The following PXDNL variants were observed in gnomAD, a reference collection of about 807,000 sequenced individuals.
PXDNL encodes the protein probable oxidoreductase PXDNL.
A neutral mutation model predicts 150.8 loss-of-function variants in PXDNL; 145 were observed. The observed-to-expected ratio is 0.96, with a 90% confidence interval of 0.84 to 1.10. The LOEUF is 1.10. Among genes scored for constraint, PXDNL ranks in the 50% least tolerant of loss-of-function variants. The pLI, the probability that PXDNL is intolerant of heterozygous loss-of-function variation, is 0.00. For synonymous variants in PXDNL, 757 were observed against 725.7 expected (o/e 1.04, Z -0.69); for missense variants, 2,087 against 1,873.9 (o/e 1.11, Z -2.10).
At chr8:51,683,530 G>T (rs1815804280) in intron 1 of PXDNL, among the ~76,000 whole-genome samples, 1 of 151,996 alleles carries the variant, frequency 6.6e-6, no homozygotes, top group Non-Finnish European at 1.5e-5. Context: ...CAGACATAAA[G>T]TCTCAATTAT....
chr8:51,727,034 AT>A lies in PXDNL; in HGVS notation c.165-72275del, dbSNP rs141123281. On this transcript the variant is annotated intron_variant, in intron 1 of 22. Coordinates refer to ENST00000356297, the MANE Select transcript of PXDNL (RefSeq NM_144651.5). ...CTCCATGGCCAAGAGTGTGAAGCAT[AT>A]CTTGAATGAAAGTCTAACTACTCCA... Among the ~76,000 whole-genome samples, 546 of 152,320 alleles carry A rather than the reference AT, an allele frequency of 3.6e-3. 5 individuals carry two copies. The highest frequency in any genetic ancestry group is 0.012 in the African/African-American group (518 of 41,572).
intron 2 of PXDNL, among the ~76,000 whole-genome samples, chr8:51,637,906 C>G (rs571559278): frequency 6.6e-6 from 1 of 152,248 alleles, no homozygotes; most frequent in Non-Finnish European, 1.5e-5. Flanking sequence ...TTGTCAGATT[C>G]ACCAAAGTTG....
In PXDNL at chr8:51,513,655, C is replaced by A. The variant is rs570060567; in HGVS notation, c.381-13885G>T. ...ATTTTCTCACAATAGTGAAAGAGAACAACACACTATAGATTAGTATTGGCA... is the reference window on the plus strand; with the variant it reads ...ATTTTCTCACAATAGTGAAAGAGAAAAACACACTATAGATTAGTATTGGCA... On this transcript the variant is annotated intron_variant, in intron 4 of 22. Coordinates refer to ENST00000356297, the MANE Select transcript of PXDNL (RefSeq NM_144651.5). 1.5e-4 allele frequency among the ~76,000 whole-genome samples: 23 copies of A among 152,302 alleles called. No individual in the cohort carries two copies. In the East Asian group the frequency reaches 4.4e-3, roughly 29 times the overall value.
At chr8:51,404,070 G>T (rs892634561) in intron 17 of PXDNL, among the ~76,000 whole-genome samples, 5 of 152,188 alleles carry the variant, frequency 3.3e-5, no homozygotes, top group African/African-American at 1.2e-4. Flanking sequence ...GTCTGGGCTT[G>T]TTCATTCTTC....
chr8:51,349,340 C>G (rs1806264788), intron 19 of PXDNL, among the ~76,000 whole-genome samples: 1 of 152,184 alleles, frequency 6.6e-6, no homozygotes, highest in African/African-American at 2.4e-5. Flanking sequence ...TCATTTCTCC[C>G]TAATGCACAA....
chr8:51,613,322 T>G (rs1416174283), intron 2 of PXDNL, among the ~76,000 whole-genome samples: 1 of 152,028 alleles, frequency 6.6e-6, no homozygotes, highest in African/African-American at 2.4e-5. Flanking sequence ...GGCAGCAAAG[T>G]GTAAACACAT....
intron 5 of PXDNL, among the ~76,000 whole-genome samples, chr8:51,484,179 G>A (rs1428919594): frequency 6.6e-6 from 1 of 152,080 alleles, no homozygotes; most frequent in Non-Finnish European, 1.5e-5. Flanking sequence ...GCTCACGCCT[G>A]TAATCCCAGC....
At chr8:51,596,315 T>C (rs2130666069) in intron 2 of PXDNL, among the ~76,000 whole-genome samples, 1 of 152,332 alleles carries the variant, frequency 6.6e-6, no homozygotes, top group East Asian at 1.9e-4. Flanking sequence ...AACACCTGTG[T>C]TGATTCCATG....
At chr8:51,368,412 G>A (rs1272555729) in intron 19 of PXDNL, among the ~76,000 whole-genome samples, 2 of 152,026 alleles carry the variant, frequency 1.3e-5, no homozygotes, top group African/African-American at 4.8e-5. Flanking sequence ...ATTTCAATGT[G>A]TTTAGGAATT....
intron 1 of PXDNL, among the ~76,000 whole-genome samples, chr8:51,805,192 G>C (rs4242476): frequency 0.51 from 76,967 of 151,630 alleles, 23,627 homozygotes; most frequent in Non-Finnish European, 0.68. Flanking sequence ...AAAAAGTTCA[G>C]GCCTGTTCAT....
chr8:51,718,156 C>T (rs1283510531), intron 1 of PXDNL, among the ~76,000 whole-genome samples: 1 of 152,100 alleles, frequency 6.6e-6, no homozygotes, highest in African/African-American at 2.4e-5. Context: ...GGCAAGTACA[C>T]AGGAAGGAAA....
chr8:51,468,206 C>T (rs549954127), intron 8 of PXDNL, among the ~76,000 whole-genome samples: 8 of 151,944 alleles, frequency 5.3e-5, no homozygotes, highest in African/African-American at 1.9e-4. Flanking sequence ...ATTTTTGTTC[C>T]TAATCGTTCT....
chr8:51,323,751 T>C (rs558024601), intron 21 of PXDNL, among the ~76,000 whole-genome samples: 2 of 151,756 alleles, frequency 1.3e-5, no homozygotes, highest in South Asian at 4.2e-4. Context: ...CTGTCTCTAC[T>C]AAATATACAA....
intron 1 of PXDNL, among the ~76,000 whole-genome samples, chr8:51,678,146 C>T (rs1815665579): frequency 6.6e-6 from 1 of 152,180 alleles, no homozygotes; most frequent in South Asian, 2.1e-4. Context: ...AAGCATTTGT[C>T]CTGACGCAGC....
At chr8:51,735,073 A>G (rs1042216602) in intron 1 of PXDNL, among the ~76,000 whole-genome samples, 1 of 152,256 alleles carries the variant, frequency 6.6e-6, no homozygotes, top group Non-Finnish European at 1.5e-5. Context: ...AAAGATAAGT[A>G]TGTGAGATAA....
At chr8:51,465,902 C>T (rs1810194884) in intron 8 of PXDNL, among the ~76,000 whole-genome samples, 1 of 151,954 alleles carries the variant, frequency 6.6e-6, no homozygotes, top group Non-Finnish European at 1.5e-5. Context: ...ACAGATGACA[C>T]CAATAAATAA....
At chr8:51,588,066 T>C (rs1392674166) in intron 3 of PXDNL, among the ~76,000 whole-genome samples, 3 of 152,106 alleles carry the variant, frequency 2.0e-5, no homozygotes, top group South Asian at 4.1e-4. Flanking sequence ...CTAGAGGACA[T>C]GACATTAAAG....
chr8:51,757,285 C>T (rs1233229564), intron 1 of PXDNL, among the ~76,000 whole-genome samples: 1 of 152,158 alleles, frequency 6.6e-6, no homozygotes, highest in Non-Finnish European at 1.5e-5. Context: ...TATTCTGAAT[C>T]AGATTGTTTT....
At chr8:51,679,290 T>C (rs1200871090) in intron 1 of PXDNL, among the ~76,000 whole-genome samples, 1 of 152,164 alleles carries the variant, frequency 6.6e-6, no homozygotes, top group African/African-American at 2.4e-5. Context: ...AGTCTAGGCC[T>C]CGCACTTATA....
Sources: allele counts gnomAD v4.1 joint callset (sites outside exome capture counted in the v4.1 genomes callset), GRCh38; gene constraint gnomAD v4.1.1; transcripts MANE v1.5; gene names NCBI Gene and HGNC (gene_info 2026-07-23, HGNC 2026-07-21).